The following MAP2K2 variants were observed in gnomAD, a reference collection of about 807,000 sequenced individuals.
The protein encoded by MAP2K2 is dual specificity mitogen-activated protein kinase kinase 2.
Under a neutral mutation model 43.7 loss-of-function variants are expected in MAP2K2, and 24 were observed. The ratio of observed to expected loss-of-function variants is 0.55; its 90% CI spans 0.40 to 0.77. MAP2K2 has a LOEUF of 0.77. Ranked by LOEUF, MAP2K2 falls within the 30% of genes least tolerant of loss-of-function variation. The pLI, the probability that MAP2K2 is intolerant of heterozygous loss-of-function variation, is 0.00. For synonymous variants in MAP2K2, 244 were observed against 239.7 expected (o/e 1.02, Z -0.17); for missense variants, 470 against 566.8 (o/e 0.83, Z 1.73).
At chr19:4,114,063 C>T (rs1024480208) in intron 2 of MAP2K2, among the ~76,000 whole-genome samples, 21 of 152,158 alleles carry the variant, frequency 1.4e-4, no homozygotes, top group African/African-American at 5.1e-4. Flanking sequence ...GAGGCTGAGG[C>T]GGGAGGATCG....
intron 7 of MAP2K2, among the ~76,000 whole-genome samples, chr19:4,097,988 C>A (rs569222858): frequency 6.0e-4 from 92 of 152,274 alleles, no homozygotes; most frequent in Non-Finnish European, 1.3e-3. Flanking sequence ...CAAGACATCC[C>A]AGCAGTCTGG....
Position 4,101,705 on chromosome 19 carries a change from G to A in MAP2K2, c.529-425C>T, listed in dbSNP as rs910856791. The stretch of plus-strand genomic sequence containing the variant: ...CGGGCTAAGGGTGCCTGGGAAGGAC[G>A]ATGTTTCCCCCAGGCCCGCCCTGGA... On this transcript the variant is annotated intron_variant, in intron 4 of 10. Coordinates refer to ENST00000262948, the MANE Select transcript of MAP2K2 (RefSeq NM_030662.4). The surrounding 1 kb of genome is among the most constrained non-coding windows in gnomAD (Gnocchi z 6.3). Among the ~76,000 whole-genome samples, 70 of 152,282 alleles carry A rather than the reference G, an allele frequency of 4.6e-4. No individual in the cohort carries two copies. The highest frequency in any genetic ancestry group is 1.6e-3 in the African/African-American group (65 of 41,552).
chr19:4,112,738 G>A (rs1427017193), intron 2 of MAP2K2, among the ~76,000 whole-genome samples: 2 of 152,132 alleles, frequency 1.3e-5, no homozygotes, highest in South Asian at 2.1e-4. Flanking sequence ...AGCTCCAGAC[G>A]GTGGCCCCTG....
Position 4,117,562 on chromosome 19 carries a change from G to C in MAP2K2, c.160C>G (p.Leu54Val), listed in dbSNP as rs201581427. 1 of 1,614,064 alleles carries C rather than the reference G, an allele frequency of 6.2e-7. No homozygotes were observed. Among genetic ancestry groups the C allele is most frequent in the Non-Finnish European group, 8.5e-7 (1 of 1,180,054 alleles). ...GCTTTCTGGGTGAGAAAGGCTTCCA[G>C]CCGCTTCTTCTGCTGCTCGTCAAGT... is the stretch of plus-strand genomic sequence containing the variant. ...LELDEQQKKRLEAFLTQKAKV... is the reference protein window; with the variant it reads ...LELDEQQKKRVEAFLTQKAKV... Residue 54 changes from leucine (L) to valine (V), a missense_variant, in exon 2 of 11, where the codon CTG becomes GTG. Physicochemically the swap from Leu to Val is conservative, Grantham distance 32. This residue lies in a region of MAP2K2 where 200 missense variants were observed against 297.9 expected (regional missense o/e 0.67). Transcript: ENST00000262948.
At chr19:4,122,781 A>G (rs547768967) in intron 1 of MAP2K2, among the ~76,000 whole-genome samples, 1 of 147,828 alleles carries the variant, frequency 6.8e-6, no homozygotes, top group South Asian at 2.2e-4. Flanking sequence ...CCATTTCACT[A>G]CTCAGAGACC....
intron 9 of MAP2K2, chr19:4,094,724 G>A (rs2040891283): frequency 5.2e-6 from 3 of 573,044 alleles, no homozygotes; most frequent in East Asian, 5.7e-5. Context: ...CCAGCGGGAG[G>A]GTGAGAGGGA....
intron 1 of MAP2K2, 146 bp from the exon 2 acceptor site, chr19:4,117,775 C>A (rs908415351): frequency 1.3e-6 from 1 of 774,046 alleles, no homozygotes; most frequent in Non-Finnish European, 2.2e-6. Context: ...GGAAAGGATC[C>A]ATGCTGTGTA....
At chr19:4,097,506 ACT>A (rs2040936792) in intron 7 of MAP2K2, among the ~76,000 whole-genome samples, 163 bp from the exon 8 acceptor site, 1 of 151,826 alleles carries the variant, frequency 6.6e-6, no homozygotes, top group Non-Finnish European at 1.5e-5. Flanking sequence ...CCCCTGCCTG[ACT>A]CTGGGTTCCA....
rs1222396187 is a variant in MAP2K2 at position 4,090,415 on chromosome 19, G to A, written c.*183C>T. On this transcript the variant is annotated 3_prime_UTR_variant, in exon 11 of 11. Coordinates refer to ENST00000262948, the MANE Select transcript of MAP2K2 (RefSeq NM_030662.4). ...CGTCGCCCGTCCCCAGAGGCACCCC[G>A]GCCAGGACGGGCAGGAGAGGAGACC... 7 of 644,238 alleles carry A rather than the reference G, an allele frequency of 1.1e-5. No homozygotes were observed. The highest frequency in any genetic ancestry group is 1.7e-5 in the Non-Finnish European group (6 of 355,404). The allele number at this position is 644,238 out of a possible 1,614,324, so 39.9% of individuals were successfully genotyped here.
chr19:4,095,692 C>T (rs925762762), intron 8 of MAP2K2, among the ~76,000 whole-genome samples: 1 of 151,776 alleles, frequency 6.6e-6, no homozygotes, highest in Non-Finnish European at 1.5e-5. Context: ...GACAACCTCT[C>T]GAGTGTCGTC....
chr19:4,122,536 C>T (rs555830441), intron 1 of MAP2K2, among the ~76,000 whole-genome samples: 21 of 136,876 alleles, frequency 1.5e-4, no homozygotes, highest in South Asian at 5.1e-4. Flanking sequence ...GCCTATCCTT[C>T]CCCCACAGGC....
intron 9 of MAP2K2, 124 bp downstream of exon 9, chr19:4,095,264 G>T: frequency 1.2e-6 from 1 of 827,462 alleles, no homozygotes; most frequent in Non-Finnish European, 1.9e-6. Context: ...GTTGGGCTGA[G>T]TCCTGCCTAA....
chr19:4,101,333 C>G lies in MAP2K2; in HGVS notation c.529-53G>C, dbSNP rs2041007955. The G allele has an allele frequency of 6.5e-7, 1 of 1,543,272 alleles. No individual in the cohort carries two copies. Among genetic ancestry groups the G allele is most frequent in the African/African-American group, 1.4e-5 (1 of 73,226 alleles). On this transcript the variant is annotated intron_variant, in intron 4 of 10. Coordinates refer to ENST00000262948, the MANE Select transcript of MAP2K2 (RefSeq NM_030662.4). This position sits in a 1 kb window ranked among gnomAD's most constrained non-coding sequence, Gnocchi z 6.3. ...GGACAAGGCCACCAGGGCTTAGCTC[C>G]TGACCGAGCCCGGGGGTCAGAGCTG... is the stretch of plus-strand genomic sequence containing the variant.
rs572578610 is a variant in MAP2K2 at position 4,115,774 on chromosome 19, G to T, written c.303+1645C>A. ...GACCCACGGGACTAGGTGCAGTCAC[G>T]TTCCCCCAGTTTGGGGAACTACAGG... On this transcript the variant is annotated intron_variant, in intron 2 of 10. Transcript: ENST00000262948. The surrounding 1 kb of genome is among the most constrained non-coding windows in gnomAD (Gnocchi z 4.1). Among the ~76,000 whole-genome samples the T allele has an allele frequency of 6.6e-6, 1 of 152,208 alleles. No homozygotes were observed. Among genetic ancestry groups the T allele is most frequent in the East Asian group, 1.9e-4 (1 of 5,198 alleles).
intron 8 of MAP2K2, among the ~76,000 whole-genome samples, chr19:4,097,027 C>CAA (rs11353017): frequency 8.2e-4 from 107 of 130,562 alleles, no homozygotes; most frequent in Non-Finnish European, 1.2e-3. Context: ...GACAATGTCT[C>CAA]AAAAAAAAAA....
chr19:4,109,063 C>T (rs1423695055), intron 3 of MAP2K2, among the ~76,000 whole-genome samples: 1 of 152,196 alleles, frequency 6.6e-6, no homozygotes, highest in Non-Finnish European at 1.5e-5. Context: ...CTCAAATTCA[C>T]TTCCTGCCTT....
chr19:4,101,734 A>C lies in MAP2K2; in HGVS notation c.529-454T>G, dbSNP rs1386482978. Among the ~76,000 whole-genome samples the C allele has an allele frequency of 6.6e-6, 1 of 152,164 alleles. No homozygotes were observed. The highest frequency in any genetic ancestry group is 1.5e-5 in the Non-Finnish European group (1 of 68,016). Reference sequence around the variant, plus strand: ...TTTCCCCCAGGCCCGCCCTGGAAGCAGCATCCCGAGAAGTGAAGCAAGCAG... The same window carrying C: ...TTTCCCCCAGGCCCGCCCTGGAAGCCGCATCCCGAGAAGTGAAGCAAGCAG... On this transcript the variant is annotated intron_variant, in intron 4 of 10. Transcript: ENST00000262948. This position sits in a 1 kb window ranked among gnomAD's most constrained non-coding sequence, Gnocchi z 6.3.
chr19:4,108,923 G>A (rs553095160), intron 3 of MAP2K2, among the ~76,000 whole-genome samples: 265 of 152,294 alleles, frequency 1.7e-3, no homozygotes, highest in African/African-American at 5.9e-3. Context: ...TCCTTTCCTC[G>A]CCCTTTGATG....
chr19:4,096,150 T>A (rs978824384), intron 8 of MAP2K2, among the ~76,000 whole-genome samples: 1 of 152,064 alleles, frequency 6.6e-6, no homozygotes, highest in Non-Finnish European at 1.5e-5. Flanking sequence ...GGAGTGGCCG[T>A]GTAAGCGGTG....
Sources: gnomAD v4.1 joint callset for allele counts (sites outside exome capture counted in the v4.1 genomes callset) on GRCh38, gnomAD v4.1.1 for gene constraint, gnomAD v4.1.1 regional missense constraint, Gnocchi (gnomAD v3.1) non-coding constraint, MANE v1.5 for transcripts, NCBI Gene and HGNC (gene_info 2026-07-23, HGNC 2026-07-21) for gene names.